GLS: variants seen among roughly 807,000 people sequenced by gnomAD.
GLS encodes the protein glutaminase kidney isoform, mitochondrial.
GLS carries 36 observed loss-of-function variants against 86.7 expected under a neutral mutation model. The ratio of observed to expected loss-of-function variants is 0.42; its 90% confidence interval spans 0.32 to 0.55. The LOEUF is 0.55. Ranked by LOEUF, GLS falls within the 20% of genes least tolerant of loss-of-function variation. The probability of loss-of-function intolerance (pLI) is 0.17; values close to 1 mark genes in which losing one functional copy is unlikely to be tolerated. For synonymous variants in GLS, 317 were observed against 305.9 expected (o/e 1.04, Z -0.38); for missense variants, 528 against 833.4 (o/e 0.63, Z 4.51).
chr2:190,961,614 A>T (rs1691002163), intron 17 of GLS, among the ~76,000 whole-genome samples: 1 of 152,062 alleles, frequency 6.6e-6, no homozygotes, highest in African/African-American at 2.4e-5. Context: ...ACTGTAGAGG[A>T]TGACTCAAAA....
In GLS at chr2:190,904,586, G is replaced by T. The variant is rs868685708; in HGVS notation, c.816-418G>T. Among the ~76,000 whole-genome samples, 8 of 152,188 alleles carry T rather than the reference G, an allele frequency of 5.3e-5. No individual in the cohort carries two copies. The South Asian group carries it at 1.7e-3, about 32-fold the overall frequency. ...GAAAATATTTGAGCCAAAAAAGATG[G>T]ATAGTTGTGGCTGTAGTAAACATGT... On this transcript the variant is annotated intron_variant, in intron 5 of 17. Coordinates refer to ENST00000320717, the MANE Select transcript of GLS (RefSeq NM_014905.5).
chr2:190,932,949 G>A (rs1690155732), intron 14 of GLS: 67 of 1,300,392 alleles, frequency 5.2e-5, no homozygotes, highest in Non-Finnish European at 6.5e-5. Flanking sequence ...ATATTTATTT[G>A]AGGTATTTTT....
chr2:190,920,996 C>A lies in GLS; in HGVS notation c.1039-28C>A. ...TTAACTGTAGTGGTACCTATATTAA[C>A]GTATTTATGTCTCTTATTTTTTTGC... On this transcript the variant is annotated intron_variant, in intron 7 of 17. Coordinates refer to ENST00000320717, the MANE Select transcript of GLS (RefSeq NM_014905.5). This position sits in a 1 kb window ranked among gnomAD's most constrained non-coding sequence, Gnocchi z 4.2. 7.7e-7 allele frequency: 1 copy of A among 1,301,846 alleles called. No homozygotes were observed. Among genetic ancestry groups the A allele is most frequent in the Non-Finnish European group, 1.1e-6 (1 of 898,936 alleles). 80.6% of individuals were successfully genotyped at this position (1,301,846 alleles called of 1,614,324 possible).
At chr2:190,950,356 C>T (rs1159041570) in intron 14 of GLS, among the ~76,000 whole-genome samples, 4 of 152,110 alleles carry the variant, frequency 2.6e-5, no homozygotes, top group Non-Finnish European at 2.9e-5. Context: ...TTTAAAAGAT[C>T]CCTATGGCAG....
rs112075317 is a variant in GLS, at chr2:190,954,318, C to T, written c.1713-266C>T. 1.7e-4 allele frequency among the ~76,000 whole-genome samples: 26 copies of T among 151,990 alleles called. No homozygotes were observed. Among genetic ancestry groups the T allele is most frequent in the East Asian group, 7.7e-4 (4 of 5,178 alleles). On this transcript the variant is annotated intron_variant, in intron 15 of 17. Coordinates refer to ENST00000320717, the MANE Select transcript of GLS (RefSeq NM_014905.5). The surrounding 1 kb of genome is among the most constrained non-coding windows in gnomAD (Gnocchi z 4.0). ...CAGTTGTGCCATAATTCTTAAGTTG[C>T]GAACAATAATGTAATAAAGTTTAAT... is the stretch of plus-strand genomic sequence containing the variant.
At chr2:190,928,147 T>C (rs761882218) in intron 12 of GLS, among the ~76,000 whole-genome samples, 4 of 152,012 alleles carry the variant, frequency 2.6e-5, no homozygotes, top group Non-Finnish European at 5.9e-5. Context: ...CCCCTATCCT[T>C]GTCATATTTC....
chr2:190,924,603 T>G lies in GLS; in HGVS notation c.1248+10T>G, dbSNP rs747724556. ...AGACTTCTACTTCCAGGTAATCTAA[T>G]TATGTAAATCGTATATATAAATGGA... On this transcript the variant is annotated intron_variant, in intron 11 of 17. Coordinates refer to ENST00000320717, the MANE Select transcript of GLS (RefSeq NM_014905.5). The surrounding 1 kb of genome is among the most constrained non-coding windows in gnomAD (Gnocchi z 5.2). The G allele has an allele frequency of 1.7e-5, 24 of 1,416,530 alleles. No homozygotes were observed. In the South Asian group the frequency reaches 2.4e-4, roughly 14 times the overall value. 87.7% of individuals were successfully genotyped at this position (1,416,530 alleles called of 1,614,324 possible).
chr2:190,880,912 GCA>G lies in GLS; in HGVS notation c.-172_-171del. 1.1e-6 allele frequency: 1 copy of G among 946,830 alleles called. No individual in the cohort carries two copies. The highest frequency in any genetic ancestry group is 1.4e-5 in the South Asian group (1 of 70,566). The allele number at this position is 946,830 out of a possible 1,614,324, so 58.7% of individuals were successfully genotyped here. ...AGCAGCAGCAGCAGCAGCAGCAGCA[GCA>G]GCAGCACCCGCATCCGCTGCGGGAG... On this transcript the variant is annotated 5_prime_UTR_variant, in exon 1 of 18. Transcript: ENST00000320717.
intron 6 of GLS, among the ~76,000 whole-genome samples, chr2:190,906,919 G>A (rs2178605): frequency 2.0e-5 from 3 of 151,218 alleles, no homozygotes; most frequent in East Asian, 1.9e-4. Flanking sequence ...GGTAAATAGA[G>A]AAATTGTAGT....
At chr2:190,941,261 A>C (rs1314844525) in intron 14 of GLS, among the ~76,000 whole-genome samples, 1 of 152,212 alleles carries the variant, frequency 6.6e-6, no homozygotes, top group Non-Finnish European at 1.5e-5. Flanking sequence ...GTTAATACTG[A>C]TGCATGTAGA....
At chr2:190,908,552 G>T (rs911706124) in intron 6 of GLS, among the ~76,000 whole-genome samples, 7 of 152,184 alleles carry the variant, frequency 4.6e-5, no homozygotes, top group African/African-American at 1.7e-4. Flanking sequence ...TACTTTAAAT[G>T]ATAGCCTTTA....
Position 190,913,979 on chromosome 2 carries a change from C to T in GLS, c.1038+3658C>T, listed in dbSNP as rs1689439574. ...CATGCAGGGCTAATTCTTTATAAAGCTAGGGTCTTGCCATATTGCCCAGGC... is the reference window on the plus strand; with the variant it reads ...CATGCAGGGCTAATTCTTTATAAAGTTAGGGTCTTGCCATATTGCCCAGGC... On this transcript the variant is annotated intron_variant, in intron 7 of 17. Coordinates refer to ENST00000320717, the MANE Select transcript of GLS (RefSeq NM_014905.5). The surrounding 1 kb of genome is among the most constrained non-coding windows in gnomAD (Gnocchi z 6.1). Among the ~76,000 whole-genome samples the T allele has an allele frequency of 6.6e-6, 1 of 151,926 alleles. No homozygotes were observed. The highest frequency in any genetic ancestry group is 2.1e-4 in the South Asian group (1 of 4,816).
intron 17 of GLS, among the ~76,000 whole-genome samples, chr2:190,961,130 T>C (rs1039133803): frequency 1.3e-5 from 2 of 152,232 alleles, no homozygotes; most frequent in Admixed American, 1.3e-4. Flanking sequence ...ACTTGATAAC[T>C]AGGCATTCAA....
intron 1 of GLS, among the ~76,000 whole-genome samples, chr2:190,887,934 C>G (rs1688441760): frequency 6.6e-6 from 1 of 152,080 alleles, no homozygotes. Flanking sequence ...ATTTTCTATG[C>G]AGTATGATCT....
At chr2:190,899,684 A>T (rs1688871590) in intron 3 of GLS, among the ~76,000 whole-genome samples, 1 of 152,110 alleles carries the variant, frequency 6.6e-6, no homozygotes, top group Admixed American at 6.5e-5. Context: ...ACAGAGACTT[A>T]AGAAGCTCAG....
At chr2:190,910,468 A>G in intron 7 of GLS, 147 bp downstream of exon 7, 1 of 502,102 alleles carries the variant, frequency 2.0e-6, no homozygotes, top group Non-Finnish European at 3.6e-6. Flanking sequence ...TAGTGTTAGG[A>G]TCTTTATTTC....
intron 4 of GLS, 45 bp from the exon 5 acceptor site, chr2:190,901,902 T>C: frequency 8.7e-7 from 1 of 1,146,038 alleles, no homozygotes; most frequent in South Asian, 1.2e-5. Flanking sequence ...AATACATTAT[T>C]TGTCAATATT....
At chr2:190,933,882 T>C (rs1426953563) in intron 14 of GLS, 19 of 897,218 alleles carry the variant, frequency 2.1e-5, no homozygotes, top group Non-Finnish European at 2.3e-5. Flanking sequence ...AGGTAGTAAG[T>C]ATGCTACTAA....
rs1574598796 is a variant in GLS at position 190,924,619 on chromosome 2, T to C, written c.1248+26T>C. Reference sequence around the variant, plus strand: ...GTAATCTAATTATGTAAATCGTATATATAAATGGATGTGTCGGCTGGGCAC... The same window carrying C: ...GTAATCTAATTATGTAAATCGTATACATAAATGGATGTGTCGGCTGGGCAC... On this transcript the variant is annotated intron_variant, in intron 11 of 17. Coordinates refer to ENST00000320717, the MANE Select transcript of GLS (RefSeq NM_014905.5). This position sits in a 1 kb window ranked among gnomAD's most constrained non-coding sequence, Gnocchi z 5.2. The C allele has an allele frequency of 8.0e-7, 1 of 1,254,460 alleles. No homozygotes were observed. The highest frequency in any genetic ancestry group is 1.2e-6 in the Non-Finnish European group (1 of 852,020). The allele number at this position is 1,254,460 out of a possible 1,614,324, so 77.7% of individuals were successfully genotyped here.
Sources: allele counts gnomAD v4.1 joint callset (sites outside exome capture counted in the v4.1 genomes callset), GRCh38; gene constraint gnomAD v4.1.1; non-coding constraint Gnocchi (gnomAD v3.1); transcripts MANE v1.5; gene names NCBI Gene and HGNC (gene_info 2026-07-23, HGNC 2026-07-21).